The following ARRB1 variants were observed in gnomAD, a reference collection of about 807,000 sequenced individuals.
The protein encoded by ARRB1 is arrestin beta 1.
In ARRB1, 21 loss-of-function variants were observed where a neutral mutation model predicts 56.8. That is an observed-to-expected ratio of 0.37 (90% CI 0.26 to 0.53). The LOEUF (loss-of-function observed/expected upper bound fraction) is 0.53. Among genes scored for constraint, ARRB1 ranks in the 20% least tolerant of loss-of-function variants. ARRB1 has a pLI of 0.88. For missense variants in ARRB1, 424 were observed against 553.7 expected (o/e 0.77, Z 2.35); for synonymous variants, 210 against 218.6 (o/e 0.96, Z 0.35).
intron 2 of ARRB1, among the ~76,000 whole-genome samples, chr11:75,289,559 C>T (rs1946556987): frequency 1.3e-5 from 2 of 152,146 alleles, no homozygotes; most frequent in African/African-American, 4.8e-5. Context: ...TGTCTACCTG[C>T]TAAACTGAGG....
intron 3 of ARRB1, among the ~76,000 whole-genome samples, chr11:75,284,630 G>A (rs1789689): frequency 0.93 from 141,726 of 152,322 alleles, 66,060 homozygotes; most frequent in African/African-American, 0.96. Flanking sequence ...TGGGCCGGGC[G>A]TGGTGGGTCA....
intron 1 of ARRB1, among the ~76,000 whole-genome samples, chr11:75,301,632 C>T (rs1166538987): frequency 1.3e-5 from 2 of 152,212 alleles, no homozygotes; most frequent in Non-Finnish European, 2.9e-5. Context: ...GGGGCATTCA[C>T]TCAGACGCAG....
chr11:75,284,169 A>G (rs1946420029), intron 4 of ARRB1, 66 bp downstream of exon 4: 1 of 1,504,342 alleles, frequency 6.6e-7, no homozygotes, highest in Non-Finnish European at 9.0e-7. Context: ...GGGAGTTCCT[A>G]TGCTAGAGGT....
chr11:75,348,825 A>T (rs1249905577), intron 1 of ARRB1, among the ~76,000 whole-genome samples: 1 of 152,158 alleles, frequency 6.6e-6, no homozygotes, highest in Admixed American at 6.5e-5. Context: ...CCTGAGCTCA[A>T]GCAATCTGCC....
At chr11:75,271,326 T>A (rs1238311992) in intron 13 of ARRB1, 4 of 183,054 alleles carry the variant, frequency 2.2e-5, no homozygotes, top group African/African-American at 2.3e-5. Flanking sequence ...TGAGGACCTC[T>A]CCTTAGCAAC....
chr11:75,298,843 C>G (rs1046933233), intron 1 of ARRB1, among the ~76,000 whole-genome samples: 1 of 151,154 alleles, frequency 6.6e-6, no homozygotes, highest in Non-Finnish European at 1.5e-5. Context: ...TGGAATAGTA[C>G]ATAGGCATAA....
intron 1 of ARRB1, among the ~76,000 whole-genome samples, chr11:75,333,504 C>T (rs568947338): frequency 6.6e-5 from 10 of 152,132 alleles, no homozygotes; most frequent in Non-Finnish European, 1.2e-4. Flanking sequence ...CACAGACAAA[C>T]GGGGAAGTGT....
At chr11:75,335,832 C>T (rs531822643) in intron 1 of ARRB1, among the ~76,000 whole-genome samples, 1 of 152,338 alleles carries the variant, frequency 6.6e-6, no homozygotes, top group South Asian at 2.1e-4. Flanking sequence ...CCACATCCCA[C>T]ATCCACATCC....
intron 6 of ARRB1, 142 bp from the exon 7 acceptor site, chr11:75,281,284 A>G: frequency 8.7e-6 from 7 of 802,414 alleles, no homozygotes; most frequent in Non-Finnish European, 1.4e-5. Context: ...GGTCTGGAAG[A>G]AGCGGGGGAA....
intron 1 of ARRB1, among the ~76,000 whole-genome samples, chr11:75,299,499 A>G (rs1042753691): frequency 5.9e-5 from 9 of 151,562 alleles, no homozygotes; most frequent in African/African-American, 2.2e-4. Context: ...CTAAACTCTG[A>G]ATGCTTTGAT....
intron 4 of ARRB1, among the ~76,000 whole-genome samples, chr11:75,283,760 A>T (rs1320776969): frequency 2.0e-5 from 3 of 152,130 alleles, no homozygotes; most frequent in Non-Finnish European, 2.9e-5. Flanking sequence ...GGGGTATGGA[A>T]ACGGTCTGAC....
At chr11:75,267,625 GA>G in intron 15 of ARRB1, 26 bp downstream of exon 15, 1 of 1,315,456 alleles carries the variant, frequency 7.6e-7, no homozygotes, top group Non-Finnish European at 1.0e-6. Context: ...CCCACCCCCG[GA>G]TGTCTGCAGG....
chr11:75,330,429 G>A (rs1354079781), intron 1 of ARRB1, among the ~76,000 whole-genome samples: 1 of 151,832 alleles, frequency 6.6e-6, no homozygotes, highest in African/African-American at 2.4e-5. Flanking sequence ...CTGCAGGAAA[G>A]AGCCCAGCCC....
intron 2 of ARRB1, among the ~76,000 whole-genome samples, 177 bp downstream of exon 2, chr11:75,289,832 C>G (rs1946563199): frequency 6.6e-6 from 1 of 152,094 alleles, no homozygotes; most frequent in African/African-American, 2.4e-5. Context: ...TGTCCCTCCC[C>G]CTTCAACTGA....
intron 1 of ARRB1, among the ~76,000 whole-genome samples, chr11:75,331,433 C>T (rs969039168): frequency 6.6e-6 from 1 of 152,184 alleles, no homozygotes; most frequent in Non-Finnish European, 1.5e-5. Context: ...TCACAGCCCC[C>T]GTGACCTGCA....
intron 10 of ARRB1, 34 bp downstream of exon 10, chr11:75,276,805 C>G (rs1212645086): frequency 1.2e-6 from 2 of 1,609,678 alleles, no homozygotes; most frequent in Admixed American, 3.3e-5. Flanking sequence ...CCACCCAATC[C>G]CATACGCCCA....
chr11:75,306,248 C>T (rs1462347605), intron 1 of ARRB1, among the ~76,000 whole-genome samples: 2 of 152,274 alleles, frequency 1.3e-5, no homozygotes, highest in East Asian at 3.9e-4. Context: ...CCCACCTGAC[C>T]ACTTCAGCTG....
chr11:75,279,970 G>A (rs892827961), intron 7 of ARRB1, among the ~76,000 whole-genome samples: 6 of 152,162 alleles, frequency 3.9e-5, no homozygotes, highest in Admixed American at 3.9e-4. Flanking sequence ...CGCCCAGCAA[G>A]GACGTACTTC....
intron 1 of ARRB1, among the ~76,000 whole-genome samples, chr11:75,331,555 T>C (rs1296956120): frequency 6.6e-6 from 1 of 152,118 alleles, no homozygotes; most frequent in Non-Finnish European, 1.5e-5. Context: ...TCCTGGCTCA[T>C]CCTGGCTCAA....
Sources: allele counts gnomAD v4.1 joint callset (sites outside exome capture counted in the v4.1 genomes callset), GRCh38; gene constraint gnomAD v4.1.1; transcripts MANE v1.5; gene names NCBI Gene and HGNC (gene_info 2026-07-23, HGNC 2026-07-21).